Variants in RGR observed in about 807,000 individuals in gnomAD.
RGR encodes the protein retinal G protein coupled receptor, also known as RPE-retinal G protein-coupled receptor.
Under a neutral mutation model 28.6 loss-of-function variants are expected in RGR, and 30 were observed. That is an observed-to-expected ratio of 1.05 (90% CI 0.78 to 1.42). The LOEUF is 1.42. Among genes scored for constraint, RGR ranks in the 40% most tolerant of loss-of-function variants. The pLI is 0.00. For synonymous variants in RGR, 180 were observed against 156.4 expected, an observed-to-expected ratio of 1.15 and a Z score of -1.13; for missense variants, 404 against 375.6, an observed-to-expected ratio of 1.08 and a Z score of -0.62.
chr10:84,250,504 T>A (rs1386881821), intron 3 of RGR: 13 of 696,938 alleles, frequency 1.9e-5, no homozygotes, highest in South Asian at 1.8e-4. Context: ...TAATGCTCCC[T>A]TGGACCATCT....
chr10:84,247,874 C>A (rs943054798), intron 2 of RGR, 127 bp downstream of exon 2: 7 of 1,362,380 alleles, frequency 5.1e-6, no homozygotes, highest in African/African-American at 2.9e-5. Flanking sequence ...AGAGGGTGGG[C>A]AGGCTAAAAT....
chr10:84,253,685 G>A (rs923533282), intron 4 of RGR, among the ~76,000 whole-genome samples: 1 of 152,180 alleles, frequency 6.6e-6, no homozygotes, highest in Non-Finnish European at 1.5e-5. Context: ...CATCTGCACT[G>A]GATGACAGGC....
intron 2 of RGR, chr10:84,248,637 C>T: frequency 7.4e-6 from 4 of 541,970 alleles, no homozygotes; most frequent in Non-Finnish European, 1.3e-5. Flanking sequence ...CTATCAAATA[C>T]AGGCATGAGC....
At position 84,253,307 on chromosome 10, in the gene RGR, C is replaced by T. The variant is rs189577789; in HGVS notation, c.512+297C>T. On this transcript the variant is annotated intron_variant, in intron 4 of 6. Coordinates refer to ENST00000652092, the MANE Select transcript of RGR (RefSeq NM_001012720.2). ...GTGTCAGTGGTAACAGTCACCAAGC[C>T]GCACCACCTCTTAGCCATCTTCAGC... 1.3e-3 allele frequency among the ~76,000 whole-genome samples: 201 copies of T among 152,220 alleles called. 1 individual carries two copies. Among genetic ancestry groups the T allele is most frequent in the Non-Finnish European group, 1.9e-3 (127 of 68,006 alleles).
chr10:84,246,790 T>C (rs1842751975), intron 1 of RGR, among the ~76,000 whole-genome samples: 1 of 152,246 alleles, frequency 6.6e-6, no homozygotes, highest in Non-Finnish European at 1.5e-5. Context: ...TTAATTTACA[T>C]ATTCCCACCA....
intron 3 of RGR, 41 bp from the exon 4 acceptor site, chr10:84,252,816 C>G (rs375654935): frequency 3.1e-6 from 5 of 1,613,388 alleles, no homozygotes; most frequent in African/African-American, 2.7e-5. Context: ...ATCAGGCCAT[C>G]TCCTCCTCAC....
At chr10:84,250,625 A>AGATCAAAGCCCTTT in intron 3 of RGR, 2 of 602,812 alleles carry the variant, frequency 3.3e-6, no homozygotes, top group Non-Finnish European at 6.0e-6. Context: ...CAGAGGCCTT[A>AGATCAAAGCCCTTT]GATCAAAGCC....
At chr10:84,257,567 T>A (rs952961983) in intron 5 of RGR, among the ~76,000 whole-genome samples, 1 of 152,190 alleles carries the variant, frequency 6.6e-6, no homozygotes, top group African/African-American at 2.4e-5. Flanking sequence ...AGACCCCTTC[T>A]GTATTTGACA....
chr10:84,254,549 T>C lies in RGR; in HGVS notation c.630+106T>C, dbSNP rs1031783189. The C allele has an allele frequency of 9.3e-6, 9 of 962,914 alleles. No individual in the cohort carries two copies. The African/African-American group carries it at 1.3e-4, about 14-fold the overall frequency. The allele number at this position is 962,914 out of a possible 1,614,324, so 59.6% of individuals were successfully genotyped here. A position where few individuals can be genotyped will look rare whatever the true frequency, so the allele number is the denominator to read the frequency against. On this transcript the variant is annotated intron_variant, in intron 5 of 6. Transcript: ENST00000652092. ...TGACACACACAAACAGCAAAACAAA[T>C]ATTCATTGCTTTTGCAGCAAAAGCT...
intron 1 of RGR, among the ~76,000 whole-genome samples, chr10:84,247,066 C>T (rs866760352): frequency 6.6e-6 from 1 of 152,184 alleles, no homozygotes; most frequent in African/African-American, 2.4e-5. Flanking sequence ...GAGCAGCAAG[C>T]GAGGCAACCA....
In RGR at chr10:84,252,859, A is replaced by T; in HGVS notation, c.361A>T (p.Ser121Cys). 6.2e-7 allele frequency: 1 copy of T among 1,614,088 alleles called. No homozygotes were observed. The highest frequency in any genetic ancestry group is 8.5e-7 in the Non-Finnish European group (1 of 1,180,026). ...WGRYHHYCTR[S>C]QLAWNSAVSL... ...TCTTCTTCCTCTGTCCTGTGCAGGT[A>T]GCCAGCTGGCCTGGAACTCAGCCGT... Residue 121 changes from serine (S) to cysteine (C), a missense_variant and splice_region_variant, in exon 4 of 7, where the codon AGC (serine) becomes TGC (cysteine). By Grantham distance (112) the Ser-to-Cys change is moderately radical (BLOSUM62 -1). Transcript: ENST00000652092.
chr10:84,255,446 GA>G (rs1842871016), intron 5 of RGR: 1 of 152,204 alleles, frequency 6.6e-6, no homozygotes, highest in African/African-American at 2.4e-5. Flanking sequence ...ACCGCTTTGA[GA>G]TGTTTAATTT....
intron 3 of RGR, chr10:84,250,672 G>C (rs973645492): frequency 9.7e-6 from 5 of 513,028 alleles, no homozygotes; most frequent in Non-Finnish European, 1.8e-5. Context: ...CAGTGTGAAG[G>C]CAGGCAAAGG....
chr10:84,247,897 A>G, intron 2 of RGR, 150 bp downstream of exon 2: 1 of 1,107,170 alleles, frequency 9.0e-7, no homozygotes, highest in Non-Finnish European at 1.3e-6. Context: ...GCTGAATTCC[A>G]GATTGATTCT....
chr10:84,256,150 C>A (rs1022430944), intron 5 of RGR, among the ~76,000 whole-genome samples: 3 of 142,778 alleles, frequency 2.1e-5, no homozygotes, highest in Non-Finnish European at 4.5e-5. Context: ...CTCACTGCAA[C>A]CTCCGCCTCT....
intron 5 of RGR, 77 bp from the exon 6 acceptor site, chr10:84,257,816 G>A: frequency 7.9e-7 from 1 of 1,258,300 alleles, no homozygotes; most frequent in Non-Finnish European, 1.2e-6. Flanking sequence ...GCTGAGTGCT[G>A]ACCTGGTTTT....
rs1842923303 is a variant in RGR at position 84,259,006 on chromosome 10, A to G, written c.*367A>G. ...TAATATACGTTGTACCCATTAAGTT[A>G]TTTCTCATCCCTCACCCCCTCCCAC... On this transcript the variant is annotated 3_prime_UTR_variant, in exon 7 of 7. Coordinates refer to ENST00000652092, the MANE Select transcript of RGR (RefSeq NM_001012720.2). 3.2e-6 allele frequency: 1 copy of G among 311,672 alleles called. No homozygotes were observed. The highest frequency in any genetic ancestry group is 4.3e-5 in the Admixed American group (1 of 23,068). The allele number at this position is 311,672 out of a possible 1,614,324, so 19.3% of individuals were successfully genotyped here.
chr10:84,256,606 G>A (rs1001823100), intron 5 of RGR, among the ~76,000 whole-genome samples: 9 of 152,128 alleles, frequency 5.9e-5, no homozygotes, highest in Non-Finnish European at 1.0e-4. Context: ...ATGCTCCCCC[G>A]AGGTCAGAAG....
rs1198897810 is a variant in RGR at position 84,259,147 on chromosome 10, G to C, written c.*508G>C. 1 of 168,476 alleles carries C rather than the reference G, an allele frequency of 5.9e-6. No individual in the cohort carries two copies. Among genetic ancestry groups the C allele is most frequent in the Non-Finnish European group, 1.3e-5 (1 of 76,272 alleles). The allele number at this position is 168,476 out of a possible 1,614,324, so 10.4% of individuals were successfully genotyped here. The stretch of plus-strand genomic sequence containing the variant: ...ATGTGGTATTTGACTTTCTGTTTTT[G>C]AGTTATTTCACTTAAAATAATGACC... On this transcript the variant is annotated 3_prime_UTR_variant, in exon 7 of 7. Transcript: ENST00000652092.
Sources: gnomAD v4.1 joint callset for allele counts (sites outside exome capture counted in the v4.1 genomes callset) on GRCh38, gnomAD v4.1.1 for gene constraint, MANE v1.5 for transcripts, NCBI Gene and HGNC (gene_info 2026-07-23, HGNC 2026-07-21) for gene names.